The following NRG1 variants were observed in gnomAD, a reference collection of about 807,000 sequenced individuals.
NRG1 encodes neuregulin 1, also known as pro-neuregulin-1, membrane-bound isoform.
NRG1 carries 18 observed loss-of-function variants against 63.8 expected under a neutral mutation model. That is an observed-to-expected ratio of 0.28 (90% confidence interval 0.19 to 0.42). The LOEUF is 0.42. Among genes scored for constraint, NRG1 ranks in the 10% least tolerant of loss-of-function variants. The pLI is 1.00. For missense variants in NRG1, 762 were observed against 814.7 expected, an observed-to-expected ratio of 0.94 and a Z score of 0.79; for synonymous variants, 302 against 301.3, an observed-to-expected ratio of 1.00 and a Z score of -0.02.
intron 1 of NRG1, among the ~76,000 whole-genome samples, chr8:31,792,318 T>C (rs767318102): frequency 1.3e-5 from 2 of 152,234 alleles, no homozygotes; most frequent in Non-Finnish European, 2.9e-5. Context: ...AAGTAAATTT[T>C]GTTATTTTCT....
At chr8:31,653,003 T>TCCTCC (rs1805040007) in intron 1 of NRG1, among the ~76,000 whole-genome samples, 11 of 21,804 alleles carry the variant, frequency 5.0e-4, no homozygotes, top group African/African-American at 1.9e-3. Context: ...TCCTCTCCTC[T>TCCTCC]CCTCCCCTCC....
intron 5 of NRG1, among the ~76,000 whole-genome samples, chr8:32,674,448 T>C (rs1416578647): frequency 1.3e-5 from 2 of 152,018 alleles, no homozygotes; most frequent in Admixed American, 1.3e-4. Context: ...AGGCAAAGAG[T>C]GAGAGCAATG....
At chr8:32,675,545 A>G (rs1162801475) in intron 5 of NRG1, among the ~76,000 whole-genome samples, 2 of 152,232 alleles carry the variant, frequency 1.3e-5, no homozygotes, top group African/African-American at 4.8e-5. Context: ...GTATTCAAAG[A>G]GTAAAATATT....
chr8:31,675,669 A>T (rs1299757782), intron 1 of NRG1, among the ~76,000 whole-genome samples: 1 of 152,210 alleles, frequency 6.6e-6, no homozygotes, highest in Non-Finnish European at 1.5e-5. Context: ...ACTTAAAGAC[A>T]GTGCATATCT....
chr8:32,198,120 T>C (rs1453348129), intron 1 of NRG1, among the ~76,000 whole-genome samples: 1 of 152,226 alleles, frequency 6.6e-6, no homozygotes, highest in Non-Finnish European at 1.5e-5. Flanking sequence ...GGCAGGACCA[T>C]TGCTTGATCA....
chr8:32,119,413 A>G (rs1833152519), intron 1 of NRG1, among the ~76,000 whole-genome samples: 1 of 152,098 alleles, frequency 6.6e-6, no homozygotes, highest in South Asian at 2.1e-4. Flanking sequence ...AATTTCTAGT[A>G]GTTTCCACCA....
At chr8:32,008,734 A>C (rs1814222860) in intron 1 of NRG1, among the ~76,000 whole-genome samples, 1 of 152,016 alleles carries the variant, frequency 6.6e-6, no homozygotes, top group African/African-American at 2.4e-5. Context: ...GGAAAGGGGA[A>C]CCCTCTGCTA....
chr8:32,163,471 T>C (rs1310136601), intron 1 of NRG1, among the ~76,000 whole-genome samples: 2 of 152,138 alleles, frequency 1.3e-5, no homozygotes, highest in African/African-American at 2.4e-5. Context: ...GCATCAATGT[T>C]GCCATATTAA....
intron 1 of NRG1, among the ~76,000 whole-genome samples, chr8:31,972,725 C>T (rs1291943729): frequency 6.6e-6 from 1 of 152,070 alleles, no homozygotes; most frequent in Non-Finnish European, 1.5e-5. Context: ...AACAGCTGGT[C>T]AAATGAATAC....
intron 5 of NRG1, chr8:32,648,360 A>C: frequency 1.2e-6 from 2 of 1,614,084 alleles, no homozygotes; most frequent in Non-Finnish European, 1.7e-6. Flanking sequence ...AACAGAAACT[A>C]ATCTCCAAAC....
At chr8:31,704,687 C>T (rs1563310569) in intron 1 of NRG1, among the ~76,000 whole-genome samples, 1 of 151,834 alleles carries the variant, frequency 6.6e-6, no homozygotes, top group Non-Finnish European at 1.5e-5. Context: ...AAAAAATTAG[C>T]CAGGCGTGGT....
intron 1 of NRG1, among the ~76,000 whole-genome samples, chr8:32,242,039 C>T (rs1307415227): frequency 4.6e-5 from 7 of 152,138 alleles, no homozygotes; most frequent in African/African-American, 2.4e-5. Context: ...AGGTGTGAGC[C>T]TCCACACCAG....
chr8:31,665,032 A>G (rs1334544585), intron 1 of NRG1, among the ~76,000 whole-genome samples: 2 of 152,216 alleles, frequency 1.3e-5, no homozygotes, highest in African/African-American at 4.8e-5. Context: ...GAAGGGTAAG[A>G]ATAAGCTTTT....
At chr8:32,075,864 G>A (rs1299596710) in intron 1 of NRG1, among the ~76,000 whole-genome samples, 4 of 152,090 alleles carry the variant, frequency 2.6e-5, no homozygotes, top group Admixed American at 1.3e-4. Context: ...GTAGAGACGG[G>A]GTTTCGCCGT....
At position 32,422,652 on chromosome 8, in the gene NRG1, G is replaced by A. The variant is rs192756836; in HGVS notation, c.38-173176G>A. ...TTTGCCAACCCAAAGGGTCATATGA[G>A]ATTACTTTCTGCCTACAGTGTAGTA... On this transcript the variant is annotated intron_variant, in intron 1 of 10. Transcript: ENST00000519301. 1.7e-3 allele frequency among the ~76,000 whole-genome samples: 265 copies of A among 152,340 alleles called. 1 individual carries two copies. The highest frequency in any genetic ancestry group is 6.2e-3 in the African/African-American group (256 of 41,586).
chr8:31,725,871 C>A (rs1813380683), intron 1 of NRG1, among the ~76,000 whole-genome samples: 1 of 152,088 alleles, frequency 6.6e-6, no homozygotes, highest in African/African-American at 2.4e-5. Flanking sequence ...TGTCTCATCA[C>A]ACAAGTGGTA....
intron 1 of NRG1, among the ~76,000 whole-genome samples, chr8:32,554,929 C>CTCTCTCT (rs1554580903): frequency 2.5e-4 from 37 of 145,880 alleles, no homozygotes; most frequent in Admixed American, 1.0e-3. Context: ...CTCTCTCTCT[C>CTCTCTCT]TTTTTTTTTT....
chr8:31,788,934 G>C (rs898271134), intron 1 of NRG1, among the ~76,000 whole-genome samples: 3 of 152,160 alleles, frequency 2.0e-5, no homozygotes, highest in Non-Finnish European at 2.9e-5. Flanking sequence ...AAAATTTCCA[G>C]TGTATGTTAA....
At position 32,725,464 on chromosome 8, in the gene NRG1, A is replaced by ATTT. The variant is rs71209904; in HGVS notation, c.503-2458_503-2456dup. On this transcript the variant is annotated intron_variant, in intron 5 of 11. Transcript: ENST00000356819. ...TTTAACATTCGAGGCAAACTTCCTA[A>ATTT]TTTTTTTTTTTTTTTTTTTTTTTTT... Among the ~76,000 whole-genome samples, 89 of 67,582 alleles carry ATTT rather than the reference A, an allele frequency of 1.3e-3. 4 individuals are homozygous for ATTT. The highest frequency in any genetic ancestry group is 4.6e-3 in the African/African-American group (83 of 18,006). The allele number at this position is 67,582 out of a possible 152,430, so 44.3% of individuals were successfully genotyped here.
Sources: allele counts gnomAD v4.1 joint callset (sites outside exome capture counted in the v4.1 genomes callset), GRCh38; gene constraint gnomAD v4.1.1; transcripts MANE v1.5; gene names NCBI Gene and HGNC (gene_info 2026-07-23, HGNC 2026-07-21).